Variants in WDPCP observed in about 807,000 individuals in gnomAD.
WDPCP encodes the protein WD repeat-containing and planar cell polarity effector protein fritz homolog.
In WDPCP, 71 loss-of-function variants were observed where a neutral mutation model predicts 93.1. The observed-to-expected ratio is 0.76, with a 90% CI of 0.63 to 0.93. The LOEUF (loss-of-function observed/expected upper bound fraction) is 0.93, where lower values mean the gene tolerates loss of function less well. Ranked by LOEUF, WDPCP falls within the 40% of genes least tolerant of loss-of-function variation. The probability of loss-of-function intolerance (pLI) is 0.00; values close to 1 mark genes in which losing one functional copy is unlikely to be tolerated. For missense variants in WDPCP, 844 were observed against 887.4 expected, an observed-to-expected ratio of 0.95 and a Z score of 0.62; for synonymous variants, 315 against 315.0, an observed-to-expected ratio of 1.00 and a Z score of 0.00.
At chr2:63,681,430 T>C (rs1197560029) in intron 2 of WDPCP, among the ~76,000 whole-genome samples, 2 of 151,972 alleles carry the variant, frequency 1.3e-5, no homozygotes, top group East Asian at 1.9e-4. Flanking sequence ...CCTATGGTGG[T>C]GGTGGTCATG....
chr2:63,627,518 T>C (rs1188712097), intron 3 of WDPCP, among the ~76,000 whole-genome samples: 2 of 152,164 alleles, frequency 1.3e-5, no homozygotes, highest in Admixed American at 1.3e-4. Context: ...ACGTTGCCTT[T>C]TCCAACCACC....
At chr2:63,702,250 T>C (rs555235670) in intron 2 of WDPCP, among the ~76,000 whole-genome samples, 285 of 152,276 alleles carry the variant, frequency 1.9e-3, no homozygotes, top group African/African-American at 6.7e-3. Context: ...GGTCTTGAAC[T>C]CCTGACCTCA....
At chr2:63,628,024 G>A (rs1709827542) in intron 3 of WDPCP, among the ~76,000 whole-genome samples, 1 of 152,168 alleles carries the variant, frequency 6.6e-6, no homozygotes, top group African/African-American at 2.4e-5. Context: ...AGGGGTCATG[G>A]GTATCCCCAG....
upstream of WDPCP, chr2:63,827,876 A>G (rs998230052): frequency 1.3e-5 from 2 of 152,208 alleles, no homozygotes; most frequent in Admixed American, 1.3e-4. Flanking sequence ...TGTCTTATCT[A>G]TGGCCAGAAG....
chr2:63,419,184 C>T (rs1051040066), intron 9 of WDPCP, among the ~76,000 whole-genome samples: 4 of 152,068 alleles, frequency 2.6e-5, no homozygotes, highest in Admixed American at 6.6e-5. Flanking sequence ...ACTGTGTCAC[C>T]CAGGTTGGGG....
chr2:63,155,470 T>C (rs1672176504), intron 15 of WDPCP, among the ~76,000 whole-genome samples: 1 of 152,214 alleles, frequency 6.6e-6, no homozygotes, highest in South Asian at 2.1e-4. Flanking sequence ...CTGGGTTATA[T>C]GTTCTGTTTC....
upstream of WDPCP, among the ~76,000 whole-genome samples, chr2:63,589,560 A>G (rs987053184): frequency 6.6e-6 from 1 of 152,226 alleles, no homozygotes; most frequent in Non-Finnish European, 1.5e-5. Context: ...CGCCATATCT[A>G]ATTTCTCAAA....
intron 9 of WDPCP, among the ~76,000 whole-genome samples, chr2:63,429,318 T>C (rs1323509702): frequency 1.3e-5 from 2 of 151,608 alleles, no homozygotes; most frequent in Non-Finnish European, 2.9e-5. Context: ...CAAAAGCAAA[T>C]ACAAGAAAAA....
At chr2:63,533,887 CAAA>C (rs138063813) in intron 1 of WDPCP, among the ~76,000 whole-genome samples, 4 of 151,928 alleles carry the variant, frequency 2.6e-5, no homozygotes, top group Non-Finnish European at 5.9e-5. Context: ...GATAGAGACA[CAAA>C]AAAACCCTAC....
At chr2:63,831,709 T>A (rs1428500792), upstream of WDPCP, among the ~76,000 whole-genome samples, 1 of 152,056 alleles carries the variant, frequency 6.6e-6, no homozygotes, top group African/African-American at 2.4e-5. Flanking sequence ...ATAGTGAATA[T>A]CAAAAGCAAT....
upstream of WDPCP, chr2:63,588,570 C>T (rs985381796): frequency 9.1e-6 from 5 of 551,474 alleles, no homozygotes; most frequent in African/African-American, 7.6e-5. Flanking sequence ...CTCTTTACCT[C>T]CCACGTTTAC....
chr2:63,128,754 C>T (rs533408740), intron 17 of WDPCP, among the ~76,000 whole-genome samples: 19 of 152,288 alleles, frequency 1.2e-4, no homozygotes, highest in African/African-American at 2.6e-4. Context: ...CCACAACCTC[C>T]GCCTCCTGGG....
At chr2:63,672,584 A>C (rs1406361995) in intron 2 of WDPCP, among the ~76,000 whole-genome samples, 1 of 151,904 alleles carries the variant, frequency 6.6e-6, no homozygotes, top group African/African-American at 2.4e-5. Context: ...AATATGCATA[A>C]CCTAAAATTT....
At chr2:63,737,818 T>C (rs1669659599) in intron 2 of WDPCP, among the ~76,000 whole-genome samples, 3 of 152,236 alleles carry the variant, frequency 2.0e-5, no homozygotes, top group East Asian at 1.9e-4. Context: ...TTGAATCTCA[T>C]TGGGAGTTAC....
chr2:63,407,734 C>T (rs1372026350), intron 9 of WDPCP, among the ~76,000 whole-genome samples: 1 of 152,084 alleles, frequency 6.6e-6, no homozygotes, highest in Non-Finnish European at 1.5e-5. Context: ...CTTTTTTGTA[C>T]CTGTGTAGCA....
In WDPCP at chr2:63,651,454, A is replaced by AACACACACACAC. The variant is rs140128523; in HGVS notation, n.309-628_309-617dup. Among the ~76,000 whole-genome samples, 465 of 147,670 alleles carry AACACACACACAC rather than the reference A, an allele frequency of 3.1e-3. 1 individual carries two copies. The highest frequency in any genetic ancestry group is 4.2e-3 in the Non-Finnish European group (286 of 67,552). On this transcript the variant is annotated intron_variant and non_coding_transcript_variant, in intron 2 of 4. Coordinates refer to the WDPCP transcript ENST00000467687. ...CAAAATCTATTTTATATGTGTGTAC[A>AACACACACACAC]ACACACACACACACACACAGAGAGA...
intron 14 of WDPCP, among the ~76,000 whole-genome samples, chr2:63,215,680 C>T (rs1677263697): frequency 6.6e-6 from 1 of 152,178 alleles, no homozygotes; most frequent in African/African-American, 2.4e-5. Flanking sequence ...ACACCAAAAG[C>T]AATGGCAACT....
intron 2 of WDPCP, among the ~76,000 whole-genome samples, chr2:63,707,287 T>C (rs1669174277): frequency 6.6e-6 from 1 of 152,236 alleles, no homozygotes; most frequent in Admixed American, 6.5e-5. Flanking sequence ...ATTTGGTCTT[T>C]TCACATAGTC....
intron 2 of WDPCP, among the ~76,000 whole-genome samples, chr2:63,677,645 A>G (rs925448151): frequency 6.6e-6 from 1 of 152,222 alleles, no homozygotes; most frequent in Admixed American, 6.5e-5. Flanking sequence ...GTCAGAATAA[A>G]TGCAGTGATA....
Sources: gnomAD v4.1 joint callset for allele counts (sites outside exome capture counted in the v4.1 genomes callset) on GRCh38, gnomAD v4.1.1 for gene constraint, MANE v1.5 for transcripts, NCBI Gene and HGNC (gene_info 2026-07-23, HGNC 2026-07-21) for gene names.